ADAM2: variants seen among roughly 807,000 people sequenced by gnomAD.
The protein encoded by ADAM2 is disintegrin and metalloproteinase domain-containing protein 2.
A neutral mutation model predicts 99.3 loss-of-function variants in ADAM2; 101 were observed. The observed-to-expected ratio is 1.02, with a 90% CI of 0.87 to 1.20. The LOEUF is 1.20. ADAM2 is among the 50% of genes most tolerant of loss of function. The pLI is 0.00. For synonymous variants in ADAM2, 323 were observed against 287.6 expected (o/e 1.12, Z -1.25); for missense variants, 948 against 878.7 (o/e 1.08, Z -1.00).
In ADAM2 at chr8:39,753,423, ATAG is replaced by A. The variant is rs997566187; in HGVS notation, c.1797+2302_1797+2304del. ...GAAAAATTTGCAGCCTGATGATGCA[ATAG>A]AAAAAAAAAAAACCCATGTTCTGGG... On this transcript the variant is annotated intron_variant, in intron 16 of 20. Transcript: ENST00000265708. 4.0e-5 allele frequency among the ~76,000 whole-genome samples: 6 copies of A among 150,508 alleles called. No individual in the cohort carries two copies. In the Admixed American group the frequency reaches 4.0e-4, roughly 10 times the overall value.
intron 3 of ADAM2, among the ~76,000 whole-genome samples, chr8:39,833,347 G>C (rs568471605): frequency 2.7e-4 from 41 of 152,068 alleles, no homozygotes; most frequent in African/African-American, 9.6e-4. Context: ...TATTGATTTG[G>C]TAATTTCATT....
chr8:39,788,350 T>A, intron 8 of ADAM2, 99 bp from the exon 9 acceptor site: 1 of 732,122 alleles, frequency 1.4e-6, no homozygotes, highest in Non-Finnish European at 2.1e-6. Flanking sequence ...ATTAAACAAC[T>A]AAACTATAAG....
chr8:39,785,150 C>T (rs1477790745), intron 10 of ADAM2, among the ~76,000 whole-genome samples: 1 of 152,140 alleles, frequency 6.6e-6, no homozygotes, highest in African/African-American at 2.4e-5. Flanking sequence ...ATGGTGTTTC[C>T]TAGGTCTTCT....
intron 16 of ADAM2, 68 bp from the exon 17 acceptor site, chr8:39,749,812 TCCATA>T (rs1237485268): frequency 2.5e-6 from 3 of 1,187,082 alleles, no homozygotes; most frequent in African/African-American, 3.0e-5. Context: ...TTAAAAGCAT[TCCATA>T]CCATACCATA....
intron 7 of ADAM2, among the ~76,000 whole-genome samples, chr8:39,792,521 T>G (rs774703113): frequency 6.6e-6 from 1 of 152,040 alleles, no homozygotes; most frequent in Non-Finnish European, 1.5e-5. Context: ...TTTCACTTAG[T>G]CGAATTCCCT....
intron 16 of ADAM2, among the ~76,000 whole-genome samples, chr8:39,750,300 T>C (rs1325894795): frequency 6.6e-6 from 1 of 152,104 alleles, no homozygotes; most frequent in East Asian, 1.9e-4. Context: ...GTCCTACAAA[T>C]GTACCTGGCC....
chr8:39,812,724 A>G (rs893461047), intron 6 of ADAM2, among the ~76,000 whole-genome samples: 1 of 152,242 alleles, frequency 6.6e-6, no homozygotes, highest in Non-Finnish European at 1.5e-5. Context: ...CCATATGTAG[A>G]AAGCTGAAAC....
In ADAM2 at chr8:39,824,751, G is replaced by A. The variant is rs547481742; in HGVS notation, c.267+68C>T. On this transcript the variant is annotated intron_variant, in intron 4 of 20. Transcript: ENST00000265708. ...CCAACACTTTAGACTCTAATAACAT[G>A]TGGACACTAAATAAGGTGATCATAG... 1.0e-4 allele frequency: 86 copies of A among 831,356 alleles called. 2 individuals are homozygous for A. In the East Asian group the frequency reaches 2.0e-3, roughly 20 times the overall value. The allele number at this position is 831,356 out of a possible 1,614,324, so 51.5% of individuals were successfully genotyped here. A position where few individuals can be genotyped will look rare whatever the true frequency, so the allele number is the denominator to read the frequency against.
At chr8:39,811,711 T>C (rs1007985573) in intron 6 of ADAM2, among the ~76,000 whole-genome samples, 3 of 152,122 alleles carry the variant, frequency 2.0e-5, no homozygotes, top group Admixed American at 1.3e-4. Flanking sequence ...GAAAAGGCCT[T>C]CGACAAAATT....
chr8:39,786,740 T>C (rs1803481503), intron 10 of ADAM2, among the ~76,000 whole-genome samples: 1 of 152,068 alleles, frequency 6.6e-6, no homozygotes, highest in Admixed American at 6.6e-5. Flanking sequence ...ACTAAACTAG[T>C]TCACTACCTT....
At chr8:39,835,750 A>ATAATT (rs1328273338) in intron 2 of ADAM2, among the ~76,000 whole-genome samples, 1 of 152,120 alleles carries the variant, frequency 6.6e-6, no homozygotes, top group Non-Finnish European at 1.5e-5. Context: ...ATTAACTGTA[A>ATAATT]TAATTCAAAA....
chr8:39,818,004 T>C (rs918534829), intron 6 of ADAM2: 2 of 151,996 alleles, frequency 1.3e-5, no homozygotes, highest in African/African-American at 2.4e-5. Flanking sequence ...ATTTTACAGA[T>C]GTTGAAATAA....
intron 2 of ADAM2, among the ~76,000 whole-genome samples, chr8:39,836,165 G>A (rs1277081588): frequency 2.0e-5 from 3 of 152,062 alleles, no homozygotes; most frequent in Non-Finnish European, 4.4e-5. Flanking sequence ...TAACAAAATA[G>A]ACAATTTTTT....
At chr8:39,748,489 T>C (rs369360647) in intron 18 of ADAM2, among the ~76,000 whole-genome samples, 1 of 152,210 alleles carries the variant, frequency 6.6e-6, no homozygotes, top group South Asian at 2.1e-4. Flanking sequence ...TATTTCCAGA[T>C]ACTGGAATTA....
At chr8:39,779,762 T>G (rs1803143033) in intron 10 of ADAM2, among the ~76,000 whole-genome samples, 1 of 152,186 alleles carries the variant, frequency 6.6e-6, no homozygotes, top group African/African-American at 2.4e-5. Context: ...CTGAGAAATT[T>G]GTAAACAAGT....
At chr8:39,760,731 T>TC (rs1563339669) in intron 15 of ADAM2, among the ~76,000 whole-genome samples, 1 of 133,148 alleles carries the variant, frequency 7.5e-6, no homozygotes, top group East Asian at 2.2e-4. Flanking sequence ...AAAAATAAAA[T>TC]AAAAAAATAA....
chr8:39,750,504 C>G (rs889483789), intron 16 of ADAM2, among the ~76,000 whole-genome samples: 1 of 151,964 alleles, frequency 6.6e-6, no homozygotes, highest in African/African-American at 2.4e-5. Flanking sequence ...AGAAGGAAAG[C>G]TGATAAAAGT....
chr8:39,787,109 T>C, intron 9 of ADAM2, 54 bp from the exon 10 acceptor site: 1 of 1,120,146 alleles, frequency 8.9e-7, no homozygotes, highest in Non-Finnish European at 1.3e-6. Flanking sequence ...TTAATATGAA[T>C]TTTTATAAGA....
intron 3 of ADAM2, among the ~76,000 whole-genome samples, chr8:39,830,227 A>T (rs1805562200): frequency 6.6e-6 from 1 of 152,174 alleles, no homozygotes; most frequent in South Asian, 2.1e-4. Context: ...CCTATTTCCC[A>T]GTTTCCATCA....
Sources: gnomAD v4.1 joint callset for allele counts (sites outside exome capture counted in the v4.1 genomes callset) on GRCh38, gnomAD v4.1.1 for gene constraint, MANE v1.5 for transcripts, NCBI Gene and HGNC (gene_info 2026-07-23, HGNC 2026-07-21) for gene names.